SPATS2L: variants seen among roughly 807,000 people sequenced by gnomAD.
The protein encoded by SPATS2L is spermatogenesis associated serine rich 2 like, also known as SPATS2-like protein.
A neutral mutation model predicts 59.6 loss-of-function variants in SPATS2L; 30 were observed. The observed-to-expected ratio is 0.50, with a 90% CI of 0.38 to 0.68. The LOEUF is 0.68. SPATS2L is among the 30% of genes least tolerant of loss of function. The probability of loss-of-function intolerance (pLI) is 0.00; values close to 1 mark genes in which losing one functional copy is unlikely to be tolerated. For synonymous variants in SPATS2L, 252 were observed against 263.5 expected (o/e 0.96, Z 0.42); for missense variants, 615 against 700.0 (o/e 0.88, Z 1.37).
chr2:200,428,082 AAAG>A (rs1425341527), intron 6 of SPATS2L, among the ~76,000 whole-genome samples: 203 of 152,106 alleles, frequency 1.3e-3, no homozygotes, highest in African/African-American at 4.8e-3. Context: ...ACAAAAAAAA[AAAG>A]GAGTTTTCTT....
At chr2:200,385,837 C>T (rs931090967) in intron 2 of SPATS2L, among the ~76,000 whole-genome samples, 6 of 152,160 alleles carry the variant, frequency 3.9e-5, no homozygotes, top group Non-Finnish European at 7.4e-5. Flanking sequence ...GGACTACAGG[C>T]GCCCGCCACC....
intron 2 of SPATS2L, among the ~76,000 whole-genome samples, chr2:200,355,680 T>TCCAC (rs1389324359): frequency 7.9e-5 from 12 of 152,240 alleles, no homozygotes; most frequent in African/African-American, 2.9e-4. Flanking sequence ...CATTCCGTAT[T>TCCAC]CCACTGTGTA....
At chr2:200,340,219 G>T (rs953109389) in intron 2 of SPATS2L, among the ~76,000 whole-genome samples, 1 of 152,080 alleles carries the variant, frequency 6.6e-6, no homozygotes, top group Non-Finnish European at 1.5e-5. Flanking sequence ...TGCTGTGCTC[G>T]CAGAGTTTAT....
chr2:200,419,307 G>C lies in SPATS2L; in HGVS notation c.256G>C (p.Asp86His). Residue 86 changes from aspartate (D) to histidine (H), a missense_variant, in exon 6 of 13, where the codon GAC becomes CAC. Coordinates refer to ENST00000409140, the MANE Select transcript of SPATS2L (RefSeq NM_001100423.2). ...KQHQGNKDAK[D>H]KVERPEAGPL... ...GCATCAAGGCAACAAAGATGCTAAA[G>C]ACAAGGTGGAGAGGCCTGAGGCAGG... 6.2e-7 allele frequency: 1 copy of C among 1,604,108 alleles called. No individual in the cohort carries two copies. Among genetic ancestry groups the C allele is most frequent in the Non-Finnish European group, 8.5e-7 (1 of 1,174,974 alleles).
At chr2:200,366,984 G>A (rs2081286341) in intron 2 of SPATS2L, among the ~76,000 whole-genome samples, 1 of 152,086 alleles carries the variant, frequency 6.6e-6, no homozygotes, top group African/African-American at 2.4e-5. Flanking sequence ...CTCAACATTT[G>A]CTGGTGACTG....
chr2:200,439,090 C>T, intron 6 of SPATS2L, 32 bp from the exon 7 acceptor site: 2 of 1,582,940 alleles, frequency 1.3e-6, no homozygotes, highest in Non-Finnish European at 1.7e-6. Flanking sequence ...TAGTTTATCA[C>T]TTCACAGTCA....
chr2:200,436,280 T>G (rs2084287042), intron 6 of SPATS2L, among the ~76,000 whole-genome samples: 2 of 152,036 alleles, frequency 1.3e-5, no homozygotes, highest in South Asian at 4.1e-4. Context: ...AGTCCCAGAG[T>G]TTTACTATAT....
At chr2:200,362,652 T>C (rs1022266753) in intron 2 of SPATS2L, among the ~76,000 whole-genome samples, 2 of 152,186 alleles carry the variant, frequency 1.3e-5, no homozygotes, top group African/African-American at 4.8e-5. Context: ...AGATGGGCGA[T>C]TGTGCACCCA....
chr2:200,469,882 T>C (rs2106228765), intron 10 of SPATS2L, 32 bp from the exon 11 acceptor site: 1 of 1,559,678 alleles, frequency 6.4e-7, no homozygotes, highest in South Asian at 1.2e-5. Flanking sequence ...TCTGTAATCA[T>C]GGGGTTCCTG....
At chr2:200,457,070 G>C (rs186582553) in intron 8 of SPATS2L, among the ~76,000 whole-genome samples, 190 of 152,152 alleles carry the variant, frequency 1.2e-3, no homozygotes, top group African/African-American at 4.2e-3. Context: ...AAGCAGAGTA[G>C]CTTAACCATA....
At chr2:200,477,537 A>AAAAAAAAAAAAAAAAAAAAAAAAAAAAC (rs2087636711) in intron 12 of SPATS2L, 99 bp from the exon 13 acceptor site, 1 of 700,248 alleles carries the variant, frequency 1.4e-6, no homozygotes, top group African/African-American at 2.0e-5. Flanking sequence ...AAAAAAAAAA[A>AAAAAAAAAAAAAAAAAAAAAAAAAAAAC]AGCTTACCTG....
chr2:200,439,421 G>A (rs1218063285), intron 7 of SPATS2L, 93 bp downstream of exon 7: 2 of 1,075,068 alleles, frequency 1.9e-6, no homozygotes, highest in Non-Finnish European at 2.8e-6. Flanking sequence ...ATGCTGCTTA[G>A]TGAAGAGAGA....
At chr2:200,320,746 C>T (rs931598693) in intron 1 of SPATS2L, among the ~76,000 whole-genome samples, 21 of 152,162 alleles carry the variant, frequency 1.4e-4, no homozygotes, top group African/African-American at 4.6e-4. Context: ...ATTTGACTCT[C>T]ATATTAATGT....
intron 10 of SPATS2L, 49 bp from the exon 11 acceptor site, chr2:200,469,865 G>C (rs773608265): frequency 6.8e-7 from 1 of 1,465,034 alleles, no homozygotes; most frequent in Non-Finnish European, 9.4e-7. Context: ...GGGGTGCCTT[G>C]GTCATTTCTG....
chr2:200,463,362 A>C (rs1341290347), intron 9 of SPATS2L: 1 of 152,212 alleles, frequency 6.6e-6, no homozygotes, highest in African/African-American at 2.4e-5. Flanking sequence ...AGTGCTGAGA[A>C]GACTGCAGGT....
intron 9 of SPATS2L, among the ~76,000 whole-genome samples, chr2:200,466,574 G>T (rs1451599552): frequency 6.6e-6 from 1 of 152,198 alleles, no homozygotes; most frequent in Non-Finnish European, 1.5e-5. Flanking sequence ...GTACTCCCCA[G>T]TGTCTTCTCT....
intron 1 of SPATS2L, among the ~76,000 whole-genome samples, chr2:200,324,998 C>T (rs1038929453): frequency 1.3e-5 from 2 of 152,010 alleles, no homozygotes; most frequent in Admixed American, 1.3e-4. Context: ...AACATATATC[C>T]AAGGGCAACA....
intron 6 of SPATS2L, among the ~76,000 whole-genome samples, chr2:200,420,739 T>G (rs1431891140): frequency 6.6e-6 from 1 of 152,166 alleles, no homozygotes; most frequent in Non-Finnish European, 1.5e-5. Context: ...GTAGTAAAAC[T>G]GTCTAGACTC....
chr2:200,307,205 G>A (rs1018742208), intron 1 of SPATS2L, among the ~76,000 whole-genome samples: 1 of 151,546 alleles, frequency 6.6e-6, no homozygotes, highest in Non-Finnish European at 1.5e-5. Context: ...GGCGCTCCCC[G>A]GGCGAGCGTG....
Sources: allele counts gnomAD v4.1 joint callset (sites outside exome capture counted in the v4.1 genomes callset), GRCh38; gene constraint gnomAD v4.1.1; transcripts MANE v1.5; gene names NCBI Gene and HGNC (gene_info 2026-07-23, HGNC 2026-07-21).